PI4KA: variants seen among roughly 807,000 people sequenced by gnomAD.
The protein encoded by PI4KA is PI4-kinase alpha.
PI4KA carries 122 observed loss-of-function variants against 271.4 expected under a neutral mutation model. That is an observed-to-expected ratio of 0.45 (90% CI 0.39 to 0.52). The LOEUF (loss-of-function observed/expected upper bound fraction) is 0.52. PI4KA is among the 20% of genes least tolerant of loss of function. The probability of loss-of-function intolerance (pLI) is 0.00; values close to 1 mark genes in which losing one functional copy is unlikely to be tolerated. For missense variants in PI4KA, 1,969 were observed against 2,769.1 expected (o/e 0.71, Z 6.48); for synonymous variants, 1,041 against 1,078.8 (o/e 0.96, Z 0.69).
intron 1 of PI4KA, among the ~76,000 whole-genome samples, chr22:20,856,205 A>G (rs1601631660): frequency 6.6e-6 from 1 of 152,242 alleles, no homozygotes; most frequent in East Asian, 1.9e-4. Context: ...CCAGCTACTC[A>G]GGAGGCTACA....
Position 20,802,100 on chromosome 22 carries a change from C to T in PI4KA, c.1597G>A (p.Gly533Ser), listed in dbSNP as rs201307110. ...GTCACACTGATTTTTATATCATTGC[C>T]AGCAACTGAAAGTAAAAAATTCAAA... ...KYHSQYHTVA[G>S]NDIKISVTNE... Residue 533 changes from glycine (G) to serine (S), a missense_variant, in exon 14 of 55, where the codon GGC becomes AGC. Coordinates refer to ENST00000255882, the MANE Select transcript of PI4KA (RefSeq NM_058004.4). 6.2e-7 allele frequency: 1 copy of T among 1,613,712 alleles called. No homozygotes were observed. The highest frequency in any genetic ancestry group is 2.2e-5 in the East Asian group (1 of 44,858).
At chr22:20,801,940 T>G in intron 14 of PI4KA, 33 bp downstream of exon 14, 1 of 1,611,294 alleles carries the variant, frequency 6.2e-7, no homozygotes, top group African/African-American at 1.3e-5. Flanking sequence ...TCTGGAGCAC[T>G]GCTGTCTACT....
chr22:20,725,931 C>A (rs1199238364), intron 42 of PI4KA, among the ~76,000 whole-genome samples: 1 of 150,044 alleles, frequency 6.7e-6, no homozygotes, highest in African/African-American at 2.5e-5. Context: ...AAAAAAAAGC[C>A]AGGGAGACAG....
Position 20,712,536 on chromosome 22 carries a change from C to T in PI4KA, c.5752G>A (p.Asp1918Asn), listed in dbSNP as rs1220065602. The T allele has an allele frequency of 3.1e-6, 5 of 1,600,206 alleles. No homozygotes were observed. Among genetic ancestry groups the T allele is most frequent in the South Asian group, 2.2e-5 (2 of 89,180 alleles). The change falls in exon 50 of 55, where the codon GAC becomes AAC. Residue 1918 changes from aspartate (D) to asparagine (N), a missense_variant. Transcript: ENST00000255882. ...LGRQTDFGMY[D>N]YFTRQYGDES... The stretch of plus-strand genomic sequence containing the variant: ...TCCCCGTACTGGCGTGTGAAGTAGT[C>T]GTACATGCCGAAGTCTGTCTGGCGG...
intron 7 of PI4KA, among the ~76,000 whole-genome samples, chr22:20,817,733 C>CTAAAA (rs1569068087): frequency 4.7e-5 from 1 of 21,394 alleles, no homozygotes; most frequent in African/African-American, 1.6e-4. Context: ...GACTCTCTCT[C>CTAAAA]CAAAAAAAAA....
intron 22 of PI4KA, among the ~76,000 whole-genome samples, chr22:20,764,156 G>A (rs1283372023): frequency 1.3e-5 from 2 of 152,146 alleles, no homozygotes; most frequent in African/African-American, 4.8e-5. Context: ...AATGTACTCA[G>A]CTGCTGTCCC....
chr22:20,786,074 A>G (rs1934197748), intron 19 of PI4KA: 1 of 1,614,128 alleles, frequency 6.2e-7, no homozygotes, highest in Non-Finnish European at 8.5e-7. Flanking sequence ...CCTGAAGTTG[A>G]TGGGGATCAG....
In PI4KA at chr22:20,734,551, G is replaced by C; in HGVS notation, c.3744C>G (p.Phe1248Leu). Residue 1248 changes from phenylalanine (F) to leucine (L), a missense_variant and splice_region_variant, in exon 33 of 55, where the codon TTC (phenylalanine) becomes TTG (leucine). Coordinates refer to ENST00000255882, the MANE Select transcript of PI4KA (RefSeq NM_058004.4). ...LAGKDGVEVP[F>L]MREMAGAWHM... The stretch of plus-strand genomic sequence containing the variant: ...GCCAGGCCCCTGCCATCTCCCGCAT[G>C]AACTACAGGTACAGAAGGAATGTTA... 2 of 1,613,948 alleles carry C rather than the reference G, an allele frequency of 1.2e-6. No individual in the cohort carries two copies. The highest frequency in any genetic ancestry group is 1.7e-6 in the Non-Finnish European group (2 of 1,179,862).
At chr22:20,790,666 T>C (rs1460273381) in intron 19 of PI4KA, among the ~76,000 whole-genome samples, 1 of 122,176 alleles carries the variant, frequency 8.2e-6, no homozygotes, top group Admixed American at 8.4e-5. Context: ...GTCTCAAAAA[T>C]AAAAATAAAA....
intron 7 of PI4KA, among the ~76,000 whole-genome samples, chr22:20,816,114 A>G (rs947342881): frequency 6.6e-6 from 1 of 151,698 alleles, no homozygotes; most frequent in Non-Finnish European, 1.5e-5. Flanking sequence ...TAATTTTTGT[A>G]TTTTTAGTAG....
chr22:20,799,673 G>T lies in PI4KA; in HGVS notation c.1818C>A (p.Asp606Glu). The change falls in exon 15 of 55, where the codon GAC (aspartate) becomes GAA (glutamate). Residue 606 changes from aspartate to glutamate, a missense_variant and splice_region_variant. By Grantham distance (45) the Asp-to-Glu change is conservative (BLOSUM62 2). Around this residue, in one of 13 missense-constraint regions of PI4KA, gnomAD observed 228 missense variants for 261.6 expected, o/e 0.87. Transcript: ENST00000255882. Reference sequence around the variant, plus strand: ...GAGAGACAGGAATAGGGGCGTACTTGTCGCTCTCCTGAGAGATGTAGAGCC... The same window carrying T: ...GAGAGACAGGAATAGGGGCGTACTTTTCGCTCTCCTGAGAGATGTAGAGCC... Reference protein sequence around the residue: ...SNRLYISQESDKDAHLIPDHT... With the variant: ...SNRLYISQESEKDAHLIPDHT... 1 of 1,549,158 alleles carries T rather than the reference G, an allele frequency of 6.5e-7. No homozygotes were observed. Among genetic ancestry groups the T allele is most frequent in the Non-Finnish European group, 8.7e-7 (1 of 1,144,558 alleles).
chr22:20,723,271 C>T (rs1445225646), intron 42 of PI4KA, among the ~76,000 whole-genome samples: 1 of 152,050 alleles, frequency 6.6e-6, no homozygotes, highest in African/African-American at 2.4e-5. Context: ...CCACCCGCCT[C>T]GGCTTCCCAA....
chr22:20,796,925 C>T (rs1463931697), intron 17 of PI4KA, among the ~76,000 whole-genome samples: 1 of 152,228 alleles, frequency 6.6e-6, no homozygotes, highest in Non-Finnish European at 1.5e-5. Flanking sequence ...CTGAGGCCAA[C>T]CAGGCTTCTG....
At chr22:20,782,361 C>G (rs914195900) in intron 19 of PI4KA, among the ~76,000 whole-genome samples, 1 of 152,200 alleles carries the variant, frequency 6.6e-6, no homozygotes, top group Admixed American at 6.5e-5. Context: ...CTTTCCCCAT[C>G]ATGAGAATAG....
intron 23 of PI4KA, among the ~76,000 whole-genome samples, chr22:20,756,408 T>C (rs1034581672): frequency 6.6e-6 from 1 of 152,136 alleles, no homozygotes; most frequent in South Asian, 2.1e-4. Context: ...TCAGTAGAGA[T>C]GGGGTTTCTC....
At chr22:20,849,467 T>A (rs1419424652) in intron 1 of PI4KA, among the ~76,000 whole-genome samples, 1 of 152,224 alleles carries the variant, frequency 6.6e-6, no homozygotes. Context: ...AATGAATGGA[T>A]AAAATATGGT....
chr22:20,833,957 C>T (rs1021787834), intron 3 of PI4KA, among the ~76,000 whole-genome samples: 1 of 151,944 alleles, frequency 6.6e-6, no homozygotes, highest in Admixed American at 6.6e-5. Context: ...CACGCCCGGC[C>T]GACCCAGACT....
At chr22:20,857,871 A>G (rs879882926) in intron 1 of PI4KA, among the ~76,000 whole-genome samples, 5 of 152,190 alleles carry the variant, frequency 3.3e-5, no homozygotes, top group Non-Finnish European at 7.3e-5. Context: ...TTCTCCCAAG[A>G]TGAGGATTGC....
At chr22:20,756,583 T>TA (rs1931331553) in intron 23 of PI4KA, among the ~76,000 whole-genome samples, 1 of 152,096 alleles carries the variant, frequency 6.6e-6, no homozygotes, top group Non-Finnish European at 1.5e-5. Flanking sequence ...GATAATCAGA[T>TA]AGACATCAGA....
Sources: allele counts gnomAD v4.1 joint callset (sites outside exome capture counted in the v4.1 genomes callset), GRCh38; gene constraint gnomAD v4.1.1; regional missense constraint gnomAD v4.1.1; transcripts MANE v1.5; gene names NCBI Gene and HGNC (gene_info 2026-07-23, HGNC 2026-07-21).